The following PLB1 variants were observed in gnomAD, a reference collection of about 807,000 sequenced individuals.
PLB1 encodes the protein phospholipase B1.
A neutral mutation model predicts 227.4 loss-of-function variants in PLB1; 242 were observed. That is an observed-to-expected ratio of 1.06 (90% CI 0.96 to 1.18). The LOEUF (loss-of-function observed/expected upper bound fraction) is 1.18. Among genes scored for constraint, PLB1 ranks in the 50% most tolerant of loss-of-function variants. The probability of loss-of-function intolerance (pLI) is 0.00; values close to 1 mark genes in which losing one functional copy is unlikely to be tolerated. For synonymous variants in PLB1, 757 were observed against 682.2 expected, an observed-to-expected ratio of 1.11 and a Z score of -1.71; for missense variants, 1,858 against 1,816.3, an observed-to-expected ratio of 1.02 and a Z score of -0.42.
intron 11 of PLB1, among the ~76,000 whole-genome samples, chr2:28,540,024 C>A (rs1371018105): frequency 6.8e-6 from 1 of 146,484 alleles, no homozygotes; most frequent in East Asian, 2.0e-4. Flanking sequence ...TACCTACCCC[C>A]CAGGGAGAGC....
At position 28,605,860 on chromosome 2, in the gene PLB1, TCCCAGATA is replaced by T. The variant is rs1684600123; in HGVS notation, c.2971_2978del (p.Pro991ValfsTer28). ...TATATTGGTCTCTTTCAGGATGGGC[TCCCAGATA>T]CGTCCTTCTTTGCCCCAGACTGCAT... On this transcript the variant is annotated frameshift_variant, in exon 42 of 58. Coordinates refer to ENST00000327757, the MANE Select transcript of PLB1 (RefSeq NM_153021.5). LOFTEE classifies it high-confidence loss of function. 1.2e-6 allele frequency: 2 copies of T among 1,612,740 alleles called. No homozygotes were observed. The highest frequency in any genetic ancestry group is 1.7e-6 in the Non-Finnish European group (2 of 1,178,926).
At chr2:28,554,744 T>A (rs938357450) in intron 17 of PLB1, among the ~76,000 whole-genome samples, 1 of 152,170 alleles carries the variant, frequency 6.6e-6, no homozygotes, top group Non-Finnish European at 1.5e-5. Flanking sequence ...AGATGATGTT[T>A]CTGTCATGAA....
intron 36 of PLB1, 72 bp downstream of exon 36, chr2:28,600,932 C>A: frequency 7.2e-7 from 1 of 1,385,200 alleles, no homozygotes; most frequent in Non-Finnish European, 1.0e-6. Flanking sequence ...AACGGAGTGG[C>A]CTGCTCTGAA....
chr2:28,619,821 G>T (rs1686761299), intron 46 of PLB1, among the ~76,000 whole-genome samples: 2 of 152,186 alleles, frequency 1.3e-5, no homozygotes, highest in Admixed American at 6.5e-5. Context: ...CAGAAGATTG[G>T]TGGTGGGATT....
intron 9 of PLB1, among the ~76,000 whole-genome samples, chr2:28,537,591 G>A (rs1032064815): frequency 1.4e-5 from 2 of 147,040 alleles, no homozygotes; most frequent in Admixed American, 6.8e-5. Flanking sequence ...CTCAGGAGGT[G>A]GAGGTTGCAC....
chr2:28,642,573 T>C (rs1690092323), intron 57 of PLB1, among the ~76,000 whole-genome samples: 1 of 152,186 alleles, frequency 6.6e-6, no homozygotes, highest in Non-Finnish European at 1.5e-5. Flanking sequence ...TCTCTGCCAT[T>C]GGTCACCTAT....
chr2:28,558,034 A>G (rs1675409070), intron 17 of PLB1, among the ~76,000 whole-genome samples: 1 of 152,164 alleles, frequency 6.6e-6, no homozygotes, highest in Non-Finnish European at 1.5e-5. Context: ...CACCCCCACC[A>G]TAATCAACCA....
chr2:28,592,869 A>T (rs1204300123), intron 32 of PLB1, 150 bp downstream of exon 32: 14 of 660,468 alleles, frequency 2.1e-5, no homozygotes, highest in Non-Finnish European at 3.5e-5. Context: ...CAGTTATTTG[A>T]TTTGCGGCCA....
At chr2:28,641,494 G>C (rs1689971825) in intron 57 of PLB1, among the ~76,000 whole-genome samples, 1 of 152,202 alleles carries the variant, frequency 6.6e-6, no homozygotes, top group Admixed American at 6.5e-5. Context: ...TGTCATCCCA[G>C]CTACTCAGGA....
At chr2:28,560,097 A>G (rs988971423) in intron 17 of PLB1, among the ~76,000 whole-genome samples, 3 of 152,166 alleles carry the variant, frequency 2.0e-5, no homozygotes, top group Non-Finnish European at 4.4e-5. Flanking sequence ...CCTCCTGCAG[A>G]CAACTTTCAG....
At position 28,582,620 on chromosome 2, in the gene PLB1, A is replaced by G. The variant is rs544575111; in HGVS notation, c.1733+115A>G. 242 of 773,042 alleles carry G rather than the reference A, an allele frequency of 3.1e-4. 4 individuals carry two copies. In the South Asian group the frequency reaches 4.0e-3, roughly 13 times the overall value. The allele number at this position is 773,042 out of a possible 1,614,324, so 47.9% of individuals were successfully genotyped here. ...GCCGAAGTGTGAAAGGGCTGTGACC[A>G]CCCCATCTTCTAACCTGGAAAAGCC... On this transcript the variant is annotated intron_variant, in intron 25 of 57. Transcript: ENST00000327757.
In PLB1 at chr2:28,603,887, C is replaced by T. The variant is rs7609250; in HGVS notation, c.2775-79C>T. 4.2e-3 allele frequency: 5,696 copies of T among 1,368,876 alleles called. 182 individuals carry two copies. The African/African-American group carries it at 0.072, about 17-fold the overall frequency. 84.8% of individuals were successfully genotyped at this position (1,368,876 alleles called of 1,614,324 possible). ...GCGGGAGGGAGCCTCTCCACCCCTC[C>T]CCTGAACCTGGGCAATCAGAACCAG... On this transcript the variant is annotated intron_variant, in intron 39 of 57. Transcript: ENST00000327757.
intron 4 of PLB1, among the ~76,000 whole-genome samples, chr2:28,520,383 A>C (rs550236231): frequency 4.6e-5 from 7 of 152,192 alleles, no homozygotes; most frequent in Admixed American, 2.6e-4. Flanking sequence ...TTTTAAGATA[A>C]ATTTTCTTAC....
chr2:28,602,759 C>T, intron 38 of PLB1, 62 bp from the exon 39 acceptor site: 3 of 1,459,762 alleles, frequency 2.1e-6, no homozygotes, highest in South Asian at 2.3e-5. Context: ...TCCTAGGGGC[C>T]CTGAGACAGC....
At chr2:28,550,193 G>A (rs919756473) in intron 16 of PLB1, 109 bp downstream of exon 16, 49 of 814,118 alleles carry the variant, frequency 6.0e-5, no homozygotes, top group Non-Finnish European at 8.9e-5. Context: ...TTTCTTTTGA[G>A]ATGGAGTCTC....
At chr2:28,619,416 G>A (rs1015832672) in intron 46 of PLB1, among the ~76,000 whole-genome samples, 4 of 152,114 alleles carry the variant, frequency 2.6e-5, no homozygotes, top group Non-Finnish European at 4.4e-5. Flanking sequence ...AGGAGGGAGT[G>A]TGGAATCTGT....
intron 21 of PLB1, among the ~76,000 whole-genome samples, chr2:28,577,809 C>A (rs1411093564): frequency 6.6e-6 from 1 of 152,224 alleles, no homozygotes. Context: ...CGCTGCACTT[C>A]AGCCTGGGTG....
At chr2:28,510,917 T>C (rs983062831) in intron 1 of PLB1, among the ~76,000 whole-genome samples, 39 of 152,148 alleles carry the variant, frequency 2.6e-4, no homozygotes, top group African/African-American at 9.4e-4. Flanking sequence ...CATGAGCCAC[T>C]GTGCCTGGCC....
intron 6 of PLB1, 149 bp from the exon 7 acceptor site, chr2:28,529,168 C>G: frequency 1.6e-6 from 1 of 613,654 alleles, no homozygotes; most frequent in South Asian, 2.0e-5. Context: ...TGGTCTCAAA[C>G]TCTTGGGCTC....
Sources: allele counts gnomAD v4.1 joint callset (sites outside exome capture counted in the v4.1 genomes callset), GRCh38; gene constraint gnomAD v4.1.1; transcripts MANE v1.5; gene names NCBI Gene and HGNC (gene_info 2026-07-23, HGNC 2026-07-21).